Variants in KCNAB1 observed in about 807,000 individuals in gnomAD.
KCNAB1 encodes potassium voltage-gated channel subfamily A regulatory beta subunit 1.
A neutral mutation model predicts 64.6 loss-of-function variants in KCNAB1; 35 were observed. That is an observed-to-expected ratio of 0.54 (90% confidence interval 0.41 to 0.72). The LOEUF is 0.72. KCNAB1 is among the 30% of genes least tolerant of loss of function. The pLI is 0.00. For missense variants in KCNAB1, 401 were observed against 512.9 expected, an observed-to-expected ratio of 0.78 and a Z score of 2.11; for synonymous variants, 177 against 183.8, an observed-to-expected ratio of 0.96 and a Z score of 0.30.
intron 1 of KCNAB1, among the ~76,000 whole-genome samples, chr3:156,305,896 T>C (rs1454006593): frequency 6.6e-6 from 1 of 152,130 alleles, no homozygotes; most frequent in Non-Finnish European, 1.5e-5. Flanking sequence ...TGGGAGACAA[T>C]TGTGCAGGGA....
At chr3:156,262,315 G>A (rs1269767794) in intron 1 of KCNAB1, among the ~76,000 whole-genome samples, 1 of 151,904 alleles carries the variant, frequency 6.6e-6, no homozygotes, top group Non-Finnish European at 1.5e-5. Context: ...TTAGTATGAT[G>A]TGAGCTGTGG....
At chr3:156,158,382 G>T (rs1344565375) in intron 1 of KCNAB1, among the ~76,000 whole-genome samples, 1 of 152,004 alleles carries the variant, frequency 6.6e-6, no homozygotes, top group African/African-American at 2.4e-5. Context: ...CTCTACTGAG[G>T]TTTACAAATA....
intron 1 of KCNAB1, among the ~76,000 whole-genome samples, chr3:156,246,444 A>G (rs1405625512): frequency 6.6e-6 from 1 of 152,130 alleles, no homozygotes; most frequent in African/African-American, 2.4e-5. Context: ...GTCTACTAGA[A>G]ATACAAAAAT....
chr3:156,499,412 C>T (rs965360984), intron 8 of KCNAB1, among the ~76,000 whole-genome samples: 8 of 152,158 alleles, frequency 5.3e-5, no homozygotes, highest in Admixed American at 3.3e-4. Flanking sequence ...CCACTGCTTA[C>T]AAAAGTGCCT....
chr3:156,364,989 C>A (rs889962488), intron 1 of KCNAB1, among the ~76,000 whole-genome samples: 5 of 152,112 alleles, frequency 3.3e-5, no homozygotes, highest in Admixed American at 2.6e-4. Context: ...AAACACAACC[C>A]GTTACTAGTG....
intron 1 of KCNAB1, among the ~76,000 whole-genome samples, chr3:156,285,036 A>G (rs1387876303): frequency 6.6e-6 from 1 of 152,184 alleles, no homozygotes; most frequent in Non-Finnish European, 1.5e-5. Flanking sequence ...TTCTTTTTAT[A>G]TATGTACAAG....
intron 1 of KCNAB1, among the ~76,000 whole-genome samples, chr3:156,159,030 A>G (rs995653180): frequency 6.6e-6 from 1 of 151,894 alleles, no homozygotes; most frequent in Non-Finnish European, 1.5e-5. Context: ...TTGGTGGGAG[A>G]AGAGGGGAGT....
chr3:156,181,271 G>A (rs1254540143), intron 1 of KCNAB1, among the ~76,000 whole-genome samples: 3 of 152,146 alleles, frequency 2.0e-5, no homozygotes, highest in Admixed American at 2.0e-4. Context: ...TCAAGAGAGG[G>A]GAAGTCTAGC....
intron 1 of KCNAB1, among the ~76,000 whole-genome samples, chr3:156,357,159 G>GCGCACACACACACACACACACACACA (rs545909634): frequency 3.4e-5 from 5 of 147,314 alleles, no homozygotes; most frequent in African/African-American, 1.2e-4. Context: ...ACATGTGCGC[G>GCGCACACACACACACACACACACACA]CACACACACA....
intron 1 of KCNAB1, among the ~76,000 whole-genome samples, chr3:156,390,349 A>G (rs1712939154): frequency 6.6e-6 from 1 of 151,630 alleles, no homozygotes; most frequent in Non-Finnish European, 1.5e-5. Flanking sequence ...CTTGACTTAG[A>G]AAAAAAAACC....
rs972451563 is a variant in KCNAB1, at chr3:156,234,642, C to A, written c.275+113756C>A. On this transcript the variant is annotated intron_variant, in intron 1 of 13. Transcript: ENST00000490337. ...TGTGAAGAATGGGAAGATGAAAGGA[C>A]TAGGGAAGCAGAGTATGATTTCTGG... Among the ~76,000 whole-genome samples, 3 of 152,062 alleles carry A rather than the reference C, an allele frequency of 2.0e-5. No individual in the cohort carries two copies. The South Asian group carries it at 6.2e-4, about 32-fold the overall frequency.
intron 1 of KCNAB1, among the ~76,000 whole-genome samples, chr3:156,167,171 C>A (rs1304861025): frequency 4.6e-5 from 7 of 152,190 alleles, no homozygotes; most frequent in African/African-American, 9.7e-5. Flanking sequence ...ACTTACACAG[C>A]CTCTTTAGAT....
intron 1 of KCNAB1, among the ~76,000 whole-genome samples, chr3:156,204,104 A>G (rs866501591): frequency 9.9e-5 from 15 of 152,246 alleles, no homozygotes; most frequent in Non-Finnish European, 2.1e-4. Flanking sequence ...GGGAGTAGGA[A>G]GACAGCTATT....
rs138665913 is a variant in KCNAB1, at chr3:156,212,682, T to A, written c.275+91796T>A. Among the ~76,000 whole-genome samples the A allele has an allele frequency of 3.5e-4, 53 of 152,206 alleles. 2 individuals are homozygous for A. The highest frequency in any genetic ancestry group is 6.3e-4 in the Non-Finnish European group (43 of 68,008). On this transcript the variant is annotated intron_variant, in intron 1 of 13. Transcript: ENST00000490337. Reference sequence around the variant, plus strand: ...AGCAGCTAAGACCTCCAGAAATTGATGATTGGGTTAAAATCAGAAGGGTAG... The same window carrying A: ...AGCAGCTAAGACCTCCAGAAATTGAAGATTGGGTTAAAATCAGAAGGGTAG...
At chr3:156,314,746 C>T (rs1021969829) in intron 1 of KCNAB1, among the ~76,000 whole-genome samples, 1 of 152,242 alleles carries the variant, frequency 6.6e-6, no homozygotes, top group Non-Finnish European at 1.5e-5. Context: ...AGTGCAGTGG[C>T]TCATGCCTGT....
chr3:156,123,938 A>G (rs1713497131), intron 1 of KCNAB1, among the ~76,000 whole-genome samples: 1 of 152,226 alleles, frequency 6.6e-6, no homozygotes, highest in Non-Finnish European at 1.5e-5. Flanking sequence ...TAATATTTTG[A>G]CATGCTTTCC....
At chr3:156,120,502 G>C, upstream of KCNAB1, 5 of 1,256,024 alleles carry the variant, frequency 4.0e-6, no homozygotes, top group Non-Finnish European at 5.6e-6. Flanking sequence ...GCAGGATAAG[G>C]TTAAGAGAGG....
intron 1 of KCNAB1, among the ~76,000 whole-genome samples, chr3:156,235,586 C>A (rs1485951165): frequency 6.6e-6 from 1 of 152,182 alleles, no homozygotes; most frequent in East Asian, 1.9e-4. Flanking sequence ...GACAAGTCTT[C>A]CTGGAGCCTG....
chr3:156,247,874 C>CT (rs369699971), intron 1 of KCNAB1, among the ~76,000 whole-genome samples: 2,054 of 151,352 alleles, frequency 0.014, 39 homozygotes, highest in African/African-American at 0.047. Context: ...CTAGGACAGT[C>CT]TTTTTTTTTG....
Sources: allele counts gnomAD v4.1 joint callset (sites outside exome capture counted in the v4.1 genomes callset), GRCh38; gene constraint gnomAD v4.1.1; transcripts MANE v1.5; gene names NCBI Gene and HGNC (gene_info 2026-07-23, HGNC 2026-07-21).